The following ABCB11 variants were observed in gnomAD, a reference collection of about 807,000 sequenced individuals.
ABCB11 encodes the protein ATP binding cassette subfamily B member 11, also known as bile salt export pump.
Under a neutral mutation model 148.0 loss-of-function variants are expected in ABCB11, and 95 were observed. The ratio of observed to expected loss-of-function variants is 0.64; its 90% confidence interval spans 0.54 to 0.76. The LOEUF (loss-of-function observed/expected upper bound fraction) is 0.76. Among genes scored for constraint, ABCB11 ranks in the 30% least tolerant of loss-of-function variants. ABCB11 has a pLI of 0.00. For missense variants in ABCB11, 1,523 were observed against 1,617.8 expected (o/e 0.94, Z 1.01); for synonymous variants, 591 against 555.4 (o/e 1.06, Z -0.90).
At chr2:169,013,241 A>G (rs776459453) in intron 5 of ABCB11, 31 bp downstream of exon 5, 18 of 1,540,000 alleles carry the variant, frequency 1.2e-5, no homozygotes, top group Non-Finnish European at 1.6e-5. Context: ...ATGAGCAAAA[A>G]AGTAAAAAAT....
At position 168,915,706 on chromosome 2, in the gene ABCB11, G is replaced by A. The variant is rs1300752169; in HGVS notation, c.227-24C>T. 3.9e-5 allele frequency among the ~76,000 whole-genome samples: 6 copies of A among 152,338 alleles called. No individual in the cohort carries two copies. In the South Asian group the frequency reaches 6.2e-4, roughly 16 times the overall value. ...TGCTGTGCATTCAGGAAAGAAGAAA[G>A]GGGGAAGAGACTCAGGTTTTCTTTT... On this transcript the variant is annotated intron_variant, in intron 2 of 2. Transcript: ENST00000648875.
chr2:168,931,389 C>T (rs1691560542), intron 24 of ABCB11, among the ~76,000 whole-genome samples: 1 of 152,144 alleles, frequency 6.6e-6, no homozygotes, highest in Non-Finnish European at 1.5e-5. Flanking sequence ...TTTACATTTA[C>T]TGAACTGAAG....
intron 3 of ABCB11, among the ~76,000 whole-genome samples, chr2:169,015,668 C>T (rs1210005059): frequency 5.3e-5 from 8 of 152,052 alleles, no homozygotes; most frequent in South Asian, 2.1e-4. Context: ...AAATTTCAAC[C>T]CCACCCCCCA....
Position 169,009,279 on chromosome 2 carries a change from G to GT in ABCB11, c.389+3992dup, listed in dbSNP as rs529702064. On this transcript the variant is annotated intron_variant, in intron 5 of 27. Transcript: ENST00000650372. ...TGCTGCTATAAGGATACATGCACAC[G>GT]TATGTTTATTGTGGCACTATTCACA... Among the ~76,000 whole-genome samples the GT allele has an allele frequency of 5.2e-3, 785 of 152,156 alleles. 4 individuals are homozygous for GT. The highest frequency in any genetic ancestry group is 0.018 in the African/African-American group (745 of 41,510).
chr2:168,953,624 G>C (rs575868780), intron 19 of ABCB11, among the ~76,000 whole-genome samples: 1 of 150,998 alleles, frequency 6.6e-6, no homozygotes, highest in South Asian at 2.1e-4. Context: ...CATTTAGTTG[G>C]ATTATTTTTT....
chr2:169,030,969 A>G (rs1024760290), intron 1 of ABCB11, among the ~76,000 whole-genome samples: 7 of 150,786 alleles, frequency 4.6e-5, no homozygotes, highest in Non-Finnish European at 1.0e-4. Context: ...ACCCATGTAC[A>G]CCACTCTCTC....
chr2:168,988,492 A>C (rs1362132005), intron 9 of ABCB11, among the ~76,000 whole-genome samples: 1 of 152,112 alleles, frequency 6.6e-6, no homozygotes, highest in Non-Finnish European at 1.5e-5. Flanking sequence ...ATTTACACAC[A>C]CATTTTCTTC....
At chr2:168,953,961 T>G (rs1011501691) in intron 19 of ABCB11, among the ~76,000 whole-genome samples, 2 of 151,686 alleles carry the variant, frequency 1.3e-5, no homozygotes, top group Non-Finnish European at 3.0e-5. Context: ...CTTACATATG[T>G]TGATTGATGT....
intron 5 of ABCB11, among the ~76,000 whole-genome samples, chr2:168,999,723 T>C (rs1694817395): frequency 6.6e-6 from 1 of 152,146 alleles, no homozygotes. Context: ...CCACTCATCC[T>C]TTGGAGGATA....
intron 17 of ABCB11, 112 bp downstream of exon 17, chr2:168,968,315 G>T: frequency 1.1e-6 from 1 of 948,238 alleles, no homozygotes; most frequent in Non-Finnish European, 1.7e-6. Flanking sequence ...AGACCTGGCA[G>T]TCTACTCAGA....
chr2:168,996,013 A>T (rs1694703857), intron 6 of ABCB11, among the ~76,000 whole-genome samples: 3 of 151,054 alleles, frequency 2.0e-5, no homozygotes, highest in Admixed American at 1.3e-4. Flanking sequence ...TGTCATTAAA[A>T]TTCCCAATGC....
chr2:168,968,604 C>T, intron 16 of ABCB11, 114 bp from the exon 17 acceptor site: 6 of 845,528 alleles, frequency 7.1e-6, no homozygotes, highest in Non-Finnish European at 1.1e-5. Flanking sequence ...AATGCCAAAA[C>T]ATTCTGTTAA....
chr2:168,970,890 C>T (rs1693553198), intron 14 of ABCB11, among the ~76,000 whole-genome samples: 1 of 151,910 alleles, frequency 6.6e-6, no homozygotes, highest in Non-Finnish European at 1.5e-5. Flanking sequence ...ACACTGGGCC[C>T]AAAGTAACTT....
intron 5 of ABCB11, among the ~76,000 whole-genome samples, chr2:169,004,213 C>T (rs1694958270): frequency 6.6e-6 from 1 of 152,162 alleles, no homozygotes; most frequent in Admixed American, 6.6e-5. Context: ...GACAAAAGAT[C>T]TTCCTTCAGC....
At chr2:169,019,155 A>C (rs1424537025) in intron 1 of ABCB11, among the ~76,000 whole-genome samples, 1 of 152,128 alleles carries the variant, frequency 6.6e-6, no homozygotes, top group African/African-American at 2.4e-5. Context: ...ATGCAGACCC[A>C]TGGAGGTCAC....
chr2:168,979,249 G>A (rs1203312547), intron 11 of ABCB11, among the ~76,000 whole-genome samples: 1 of 151,764 alleles, frequency 6.6e-6, no homozygotes, highest in African/African-American at 2.4e-5. Context: ...CCAACTTGGG[G>A]GCCTCTCTTC....
At position 168,959,380 on chromosome 2, in the gene ABCB11, G is replaced by A. The variant is rs564941671; in HGVS notation, c.2179-1252C>T. On this transcript the variant is annotated intron_variant, in intron 18 of 27. Coordinates refer to ENST00000650372, the MANE Select transcript of ABCB11 (RefSeq NM_003742.4). ...GCAACCTATGCCAGAAAGGAATAAG[G>A]GTACCTGGGAAAGCATGAGTGTAAT... Among the ~76,000 whole-genome samples, 18 of 151,740 alleles carry A rather than the reference G, an allele frequency of 1.2e-4. No individual in the cohort carries two copies. The South Asian group carries it at 3.1e-3, about 26-fold the overall frequency.
chr2:168,921,351 G>T lies in ABCB11; in HGVS notation c.*2271C>A, dbSNP rs1691069261. Among the ~76,000 whole-genome samples, 1 of 152,130 alleles carries T rather than the reference G, an allele frequency of 6.6e-6. No individual in the cohort carries two copies. Among genetic ancestry groups the T allele is most frequent in the Non-Finnish European group, 1.5e-5 (1 of 68,028 alleles). On this transcript the variant is annotated 3_prime_UTR_variant, in exon 28 of 28. Transcript: ENST00000650372. ...AGGCAGAATTTCGTTTGTTGGCTAA[G>T]GGAAGAAAAACCATCTACGTAGAGT...
rs1409616593 is a variant in ABCB11, at chr2:168,976,701, C to A, written c.1198-14G>T. The stretch of plus-strand genomic sequence containing the variant: ...AATGATGGGTTTCTGGAGTGAAATA[C>A]AAAAGGGACACAGTGTAAACTCAAA... On this transcript the variant is annotated splice_polypyrimidine_tract_variant and intron_variant, in intron 11 of 27. Transcript: ENST00000650372. 1 of 1,514,966 alleles carries A rather than the reference C, an allele frequency of 6.6e-7. No individual in the cohort carries two copies. The highest frequency in any genetic ancestry group is 2.3e-5 in the East Asian group (1 of 44,212). 93.8% of individuals were successfully genotyped at this position (1,514,966 alleles called of 1,614,324 possible).
Sources: gnomAD v4.1 joint callset for allele counts (sites outside exome capture counted in the v4.1 genomes callset) on GRCh38, gnomAD v4.1.1 for gene constraint, MANE v1.5 for transcripts, NCBI Gene and HGNC (gene_info 2026-07-23, HGNC 2026-07-21) for gene names.